ODAD4: variants seen among roughly 807,000 people sequenced by gnomAD.
ODAD4 encodes outer dynein arm docking complex subunit 4, also known as outer dynein arm-docking complex subunit 4.
A neutral mutation model predicts 51.8 loss-of-function variants in ODAD4; 49 were observed. That is an observed-to-expected ratio of 0.95 (90% CI 0.75 to 1.20). The LOEUF (loss-of-function observed/expected upper bound fraction) is 1.20, where lower values mean the gene tolerates loss of function less well. ODAD4 is among the 50% of genes most tolerant of loss of function. The pLI, the probability that ODAD4 is intolerant of heterozygous loss-of-function variation, is 0.00. For missense variants in ODAD4, 590 were observed against 586.5 expected, an observed-to-expected ratio of 1.01 and a Z score of -0.06; for synonymous variants, 235 against 221.3, an observed-to-expected ratio of 1.06 and a Z score of -0.55.
rs1481879823 is a variant in ODAD4, at chr17:41,966,367, CAG to C, written c.*887_*888del. Among the ~76,000 whole-genome samples the C allele has an allele frequency of 1.3e-5, 2 of 152,092 alleles. No individual in the cohort carries two copies. The highest frequency in any genetic ancestry group is 2.9e-5 in the Non-Finnish European group (2 of 68,020). ...TGAGGCCAGTGAGGCATTTCAGATG[CAG>C]AGTTTACCGGAATGCCAGCAAATTG... is the stretch of plus-strand genomic sequence containing the variant. On this transcript the variant is annotated 3_prime_UTR_variant, in exon 12 of 12. Transcript: ENST00000377540.
chr17:41,931,644 C>A (rs2050340220), intron 1 of ODAD4, among the ~76,000 whole-genome samples: 1 of 151,726 alleles, frequency 6.6e-6, no homozygotes, highest in African/African-American at 2.4e-5. Flanking sequence ...CAGGTTCAAG[C>A]GATTTTCCTG....
At chr17:41,937,086 G>A (rs1390969084) in intron 5 of ODAD4, 159 bp downstream of exon 5, 2 of 871,078 alleles carry the variant, frequency 2.3e-6, no homozygotes, top group Non-Finnish European at 3.5e-6. Flanking sequence ...AGGAAACTGA[G>A]GCGCAGACCA....
At chr17:41,944,434 ACACACACACACC>A (rs1399613100) in intron 7 of ODAD4, among the ~76,000 whole-genome samples, 1,531 of 7,936 alleles carry the variant, frequency 0.19, 75 homozygotes, top group African/African-American at 0.27. Flanking sequence ...ACACACACAC[ACACACACACACC>A]CCCCCGCATA....
intron 9 of ODAD4, among the ~76,000 whole-genome samples, chr17:41,950,313 A>T (rs1177852914): frequency 6.6e-6 from 1 of 151,564 alleles, no homozygotes; most frequent in East Asian, 2.0e-4. Flanking sequence ...AGGCATTATC[A>T]TCCTTATTTT....
At chr17:41,961,919 T>TG (rs1555641809) in intron 11 of ODAD4, among the ~76,000 whole-genome samples, 1 of 152,110 alleles carries the variant, frequency 6.6e-6, no homozygotes. Context: ...TGGGCTCCTC[T>TG]GGGGAGGCAG....
intron 9 of ODAD4, among the ~76,000 whole-genome samples, chr17:41,953,905 A>G (rs1165707809): frequency 2.0e-5 from 3 of 151,748 alleles, no homozygotes; most frequent in African/African-American, 7.3e-5. Flanking sequence ...GGTTCAAGTG[A>G]TCCGCCTGCC....
chr17:41,943,553 A>T (rs2050536071), intron 7 of ODAD4, among the ~76,000 whole-genome samples: 1 of 152,254 alleles, frequency 6.6e-6, no homozygotes, highest in African/African-American at 2.4e-5. Context: ...CTTGAGGGTG[A>T]GGGAGAATAT....
chr17:41,940,948 C>T (rs1009460508), intron 7 of ODAD4, among the ~76,000 whole-genome samples: 1 of 152,162 alleles, frequency 6.6e-6, no homozygotes, highest in African/African-American at 2.4e-5. Context: ...TCCCCATCCC[C>T]GAGGATAGCA....
intron 1 of ODAD4, among the ~76,000 whole-genome samples, chr17:41,931,138 ACCCGCTTCG>A (rs1433273236): frequency 2.0e-4 from 30 of 151,076 alleles, no homozygotes; most frequent in African/African-American, 6.6e-4. Flanking sequence ...CTCGTGATCC[ACCCGCTTCG>A]GCCTCCCAAA....
chr17:41,944,425 CACACACACACACACACA>C (rs1447552859), intron 7 of ODAD4, among the ~76,000 whole-genome samples: 368 of 8,402 alleles, frequency 0.044, 10 homozygotes, highest in African/African-American at 0.064. Context: ...CACACACACA[CACACACACACACACACA>C]CACCCCCCCG....
rs1308113993 is a variant in ODAD4 at position 41,965,334 on chromosome 17, T to A, written c.1870T>A (p.Ser624Thr). 1.3e-6 allele frequency: 1 copy of A among 780,432 alleles called. No homozygotes were observed. The highest frequency in any genetic ancestry group is 2.4e-6 in the Non-Finnish European group (1 of 417,958). 48.3% of individuals were successfully genotyped at this position (780,432 alleles called of 1,614,324 possible). The change falls in exon 12 of 12, where the codon TCA (serine) becomes ACA (threonine). Residue 624 changes from serine (S) to threonine (T), a missense_variant. By Grantham distance (58) the Ser-to-Thr change is moderately conservative. Coordinates refer to ENST00000377540, the MANE Select transcript of ODAD4 (RefSeq NM_031421.5). ...RPSGELEQRL[S>T]GEFSRQEPEE... The stretch of plus-strand genomic sequence containing the variant: ...TTCGGGAGAATTAGAGCAAAGACTC[T>A]CAGGAGAATTCAGCAGACAGGAACC...
At position 41,965,585 on chromosome 17, in the gene ODAD4, AG is replaced by A; in HGVS notation, c.*105del. On this transcript the variant is annotated 3_prime_UTR_variant, in exon 12 of 12. Transcript: ENST00000377540. ...CGATTTGTCTGTTATAGGAAAAATG[AG>A]GGTTTTACTTCTGCTGCTTTCCATC... 1 of 635,370 alleles carries A rather than the reference AG, an allele frequency of 1.6e-6. No individual in the cohort carries two copies. The highest frequency in any genetic ancestry group is 2.8e-6 in the Non-Finnish European group (1 of 358,158). 39.4% of individuals were successfully genotyped at this position (635,370 alleles called of 1,614,324 possible).
intron 5 of ODAD4, among the ~76,000 whole-genome samples, chr17:41,937,766 C>G (rs1468314616): frequency 6.6e-6 from 1 of 152,028 alleles, no homozygotes; most frequent in Non-Finnish European, 1.5e-5. Context: ...GCCACTACAC[C>G]TGGCCAGTCC....
chr17:41,964,834 G>C (rs576960347), intron 11 of ODAD4, among the ~76,000 whole-genome samples, 159 bp from the exon 12 acceptor site: 1 of 151,958 alleles, frequency 6.6e-6, no homozygotes, highest in Admixed American at 6.6e-5. Context: ...GTACAGACAG[G>C]GTCTCACTGT....
At chr17:41,934,059 T>TTTTTTTTTA (rs2050390560) in intron 1 of ODAD4, among the ~76,000 whole-genome samples, 1 of 132,056 alleles carries the variant, frequency 7.6e-6, no homozygotes, top group African/African-American at 3.1e-5. Context: ...TTTTTTTTTT[T>TTTTTTTTTA]GAGACAGCGT....
intron 10 of ODAD4, among the ~76,000 whole-genome samples, chr17:41,959,166 T>A (rs2050772388): frequency 6.6e-6 from 1 of 152,006 alleles, no homozygotes. Context: ...TGCTCTGGGC[T>A]CCCCCACCCC....
Position 41,961,421 on chromosome 17 carries a change from AG to A in ODAD4, c.1485del (p.Thr497ProfsTer22), listed in dbSNP as rs2050804516. ...DANKGIIREL[R>X]KTNYVENLKE... Reference sequence around the variant, plus strand: ...CAACAAGGGTATCATCAGAGAACTGAGGAAAACCAACTACGTGGAGAATCTC... The same window carrying A: ...CAACAAGGGTATCATCAGAGAACTGAGAAAACCAACTACGTGGAGAATCTC... On this transcript the variant is annotated frameshift_variant, in exon 11 of 12. Coordinates refer to ENST00000377540, the MANE Select transcript of ODAD4 (RefSeq NM_031421.5). LOFTEE classifies it low-confidence loss of function (END_TRUNC). 1 of 744,388 alleles carries A rather than the reference AG, an allele frequency of 1.3e-6. No individual in the cohort carries two copies. The highest frequency in any genetic ancestry group is 2.5e-5 in the East Asian group (1 of 39,362). The allele number at this position is 744,388 out of a possible 1,614,324, so 46.1% of individuals were successfully genotyped here.
chr17:41,963,223 A>G (rs1555641982), intron 11 of ODAD4, among the ~76,000 whole-genome samples: 1 of 152,194 alleles, frequency 6.6e-6, no homozygotes, highest in Non-Finnish European at 1.5e-5. Flanking sequence ...CCCTCTGCAG[A>G]TACCTCAGTA....
At position 41,938,687 on chromosome 17, in the gene ODAD4, G is replaced by C. The variant is rs1555638229; in HGVS notation, c.756G>C (p.Arg252=). The change falls in exon 6 of 12, where the codon CGG becomes CGC. Residue 252 remains arginine (R), a synonymous_variant. Transcript: ENST00000377540. The part of the protein sequence containing the change: ...QKPIYARERD[R]KLMQEKWLRD... ...CGATCTACGCCAGGGAGCGGGACCG[G>C]AAGCTGATGCAAGAGAAATGGCTGC... is the stretch of plus-strand genomic sequence containing the variant. 1 of 1,613,952 alleles carries C rather than the reference G, an allele frequency of 6.2e-7. No homozygotes were observed. The highest frequency in any genetic ancestry group is 1.1e-5 in the South Asian group (1 of 91,080).
Sources: gnomAD v4.1 joint callset for allele counts (sites outside exome capture counted in the v4.1 genomes callset) on GRCh38, gnomAD v4.1.1 for gene constraint, MANE v1.5 for transcripts, NCBI Gene and HGNC (gene_info 2026-07-23, HGNC 2026-07-21) for gene names.